Variants in USP20 observed in about 807,000 individuals in gnomAD.
USP20 encodes ubiquitin carboxyl-terminal hydrolase 20.
Under a neutral mutation model 124.2 loss-of-function variants are expected in USP20, and 80 were observed. The ratio of observed to expected loss-of-function variants is 0.64; its 90% confidence interval spans 0.54 to 0.78. The LOEUF (loss-of-function observed/expected upper bound fraction) is 0.78, where lower values mean the gene tolerates loss of function less well. USP20 is among the 30% of genes least tolerant of loss of function. The probability of loss-of-function intolerance (pLI) is 0.00; values close to 1 mark genes in which losing one functional copy is unlikely to be tolerated. For synonymous variants in USP20, 481 were observed against 512.3 expected (o/e 0.94, Z 0.83); for missense variants, 1,043 against 1,244.4 (o/e 0.84, Z 2.44).
chr9:129,875,517 G>C (rs760668002), intron 20 of USP20, 38 bp downstream of exon 20: 1 of 1,613,258 alleles, frequency 6.2e-7, no homozygotes, highest in Admixed American at 1.7e-5. Context: ...AGGGTGGGCA[G>C]CTGGGCCGAG....
intron 3 of USP20, among the ~76,000 whole-genome samples, chr9:129,855,222 G>A (rs1171520163): frequency 6.6e-6 from 1 of 152,162 alleles, no homozygotes; most frequent in Admixed American, 6.5e-5. Context: ...ATGAGGTCAG[G>A]AGATCGAGGC....
chr9:129,848,603 A>C (rs1554743289), intron 1 of USP20, among the ~76,000 whole-genome samples: 1 of 151,856 alleles, frequency 6.6e-6, no homozygotes, highest in Non-Finnish European at 1.5e-5. Flanking sequence ...CAGTGAGCCA[A>C]GATCATGCCA....
chr9:129,874,549 TGACCG>T (rs1252233383), intron 17 of USP20, 22 bp from the exon 18 acceptor site: 2 of 1,609,746 alleles, frequency 1.2e-6, no homozygotes, highest in Admixed American at 3.3e-5. Context: ...TCTTCCTAGA[TGACCG>T]GCGCTCTCTC....
At position 129,852,819 on chromosome 9, in the gene USP20, C is replaced by T. The variant is rs1459020466; in HGVS notation, c.81+183C>T. ...CTTCCGGAGGCTCTGTCCTAATAGC[C>T]ATTAATTATAGTTTAGACAAGGCCA... On this transcript the variant is annotated intron_variant, in intron 3 of 25. Coordinates refer to ENST00000372429, the MANE Select transcript of USP20 (RefSeq NM_001110303.4). Among the ~76,000 whole-genome samples, 3 of 152,134 alleles carry T rather than the reference C, an allele frequency of 2.0e-5. No individual in the cohort carries two copies. The East Asian group carries it at 5.8e-4, about 29-fold the overall frequency.
In USP20 at chr9:129,873,498, C is replaced by T; in HGVS notation, c.1677C>T (p.Ser559=). The T allele has an allele frequency of 1.9e-6, 3 of 1,614,202 alleles. No individual in the cohort carries two copies. Among genetic ancestry groups the T allele is most frequent in the Non-Finnish European group, 1.7e-6 (2 of 1,180,032 alleles). ...CTGCCCTAGGTGACAACATGTACAG[C>T]TGTGAGCGGTGTAAGAAGTAAGTGA... The part of the protein sequence containing the change: ...ADELKGDNMY[S]CERCKKLRNG... Residue 559 remains serine (S), a synonymous_variant, in exon 16 of 26, where the codon AGC becomes AGT. Coordinates refer to ENST00000372429, the MANE Select transcript of USP20 (RefSeq NM_001110303.4).
intron 24 of USP20, 42 bp from the exon 25 acceptor site, chr9:129,880,071 G>T: frequency 6.3e-7 from 1 of 1,597,558 alleles, no homozygotes; most frequent in Non-Finnish European, 8.6e-7. Context: ...GCTTCCTTGA[G>T]GAGGCAAAGG....
intron 9 of USP20, among the ~76,000 whole-genome samples, chr9:129,863,549 A>C (rs1447899362): frequency 6.6e-6 from 1 of 152,192 alleles, no homozygotes; most frequent in East Asian, 1.9e-4. Flanking sequence ...AGTGAGCTAG[A>C]ATTTGACCTA....
rs375587244 is a variant in USP20, at chr9:129,878,329, G to A, written c.2410-9G>A. On this transcript the variant is annotated splice_polypyrimidine_tract_variant and intron_variant, in intron 22 of 25. Transcript: ENST00000372429. ...CCTCTGTCTCCTCCCGTCCCTGCCC[G>A]CCTGCCAGTTGAACAAGGCCTTCCA... 1,577 of 1,575,054 alleles carry A rather than the reference G, an allele frequency of 1.0e-3. No individual in the cohort carries two copies. The highest frequency in any genetic ancestry group is 1.9e-3 in the Admixed American group (101 of 53,724).
At chr9:129,859,241 T>A (rs2033381341) in intron 6 of USP20, among the ~76,000 whole-genome samples, 1 of 151,618 alleles carries the variant, frequency 6.6e-6, no homozygotes. Flanking sequence ...AGCATCTGCA[T>A]GGCTCTCTCC....
At chr9:129,858,382 G>A in intron 5 of USP20, 85 bp from the exon 6 acceptor site, 1 of 1,587,034 alleles carries the variant, frequency 6.3e-7, no homozygotes, top group South Asian at 1.1e-5. Context: ...CTTACTGAGA[G>A]GCTGGGGAGC....
chr9:129,874,469 T>C (rs2034284325), intron 17 of USP20, 107 bp from the exon 18 acceptor site: 3 of 1,438,468 alleles, frequency 2.1e-6, no homozygotes, highest in Non-Finnish European at 1.9e-6. Context: ...TTTGTTCCAA[T>C]GGAGTCAGCT....
intron 23 of USP20, 66 bp downstream of exon 23, chr9:129,878,506 G>T: frequency 2.8e-6 from 4 of 1,410,194 alleles, no homozygotes; most frequent in Non-Finnish European, 3.8e-6. Context: ...GATGCTGGCA[G>T]GGGAGGGCTG....
intron 3 of USP20, among the ~76,000 whole-genome samples, chr9:129,853,305 CAG>C (rs1250537266): frequency 1.3e-5 from 2 of 152,172 alleles, no homozygotes; most frequent in Non-Finnish European, 2.9e-5. Context: ...ATTCACATGA[CAG>C]TGTATCTTGG....
At position 129,873,703 on chromosome 9, in the gene USP20, C is replaced by A. The variant is rs1388830354; in HGVS notation, c.1699C>A (p.Arg567=). 6.2e-7 allele frequency: 1 copy of A among 1,613,112 alleles called. No homozygotes were observed. Among genetic ancestry groups the A allele is most frequent in the Non-Finnish European group, 8.5e-7 (1 of 1,180,014 alleles). ...MYSCERCKKL[R]NGVKYCKVLR... is the part of the protein sequence containing the mutation. ...TGGCTCGTGCTTCCTCCCCAGGCTGCGGAACGGAGTGAAGTACTGCAAAGT... is the reference window on the plus strand; with the variant it reads ...TGGCTCGTGCTTCCTCCCCAGGCTGAGGAACGGAGTGAAGTACTGCAAAGT... Residue 567 remains arginine (R), a synonymous_variant, in exon 17 of 26, where the codon CGG becomes AGG. Coordinates refer to ENST00000372429, the MANE Select transcript of USP20 (RefSeq NM_001110303.4).
intron 8 of USP20, among the ~76,000 whole-genome samples, chr9:129,861,870 CCAT>C (rs1360524194): frequency 3.9e-5 from 6 of 152,086 alleles, no homozygotes; most frequent in Admixed American, 6.5e-5. Flanking sequence ...ATTTAAAGGC[CCAT>C]CTGCAAGAGA....
intron 1 of USP20, among the ~76,000 whole-genome samples, chr9:129,842,129 C>T (rs1018619231): frequency 6.6e-6 from 1 of 152,294 alleles, no homozygotes; most frequent in East Asian, 1.9e-4. Flanking sequence ...TGGCTCACTT[C>T]ATCTTCTCAG....
intron 1 of USP20, among the ~76,000 whole-genome samples, chr9:129,843,901 A>G (rs1008748469): frequency 6.6e-6 from 1 of 152,120 alleles, no homozygotes. Context: ...CTGTCTCTAT[A>G]AAAGAAAAAT....
At chr9:129,878,271 A>G in intron 22 of USP20, 67 bp from the exon 23 acceptor site, 3 of 1,342,362 alleles carry the variant, frequency 2.2e-6, no homozygotes, top group Non-Finnish European at 3.1e-6. Context: ...CATTTGGGAA[A>G]TCCTTGCTGA....
chr9:129,866,814 C>T (rs1588274036), intron 10 of USP20, among the ~76,000 whole-genome samples: 3 of 152,334 alleles, frequency 2.0e-5, no homozygotes, highest in East Asian at 1.9e-4. Flanking sequence ...AAGGAAGAAC[C>T]AGAAAGAGAA....
Sources: allele counts gnomAD v4.1 joint callset (sites outside exome capture counted in the v4.1 genomes callset), GRCh38; gene constraint gnomAD v4.1.1; transcripts MANE v1.5; gene names NCBI Gene and HGNC (gene_info 2026-07-23, HGNC 2026-07-21).